USP19: variants seen among roughly 807,000 people sequenced by gnomAD.
USP19 encodes ubiquitin specific peptidase 19, also known as ubiquitin carboxyl-terminal hydrolase 19.
In USP19, 40 loss-of-function variants were observed where a neutral mutation model predicts 144.8. The observed-to-expected ratio is 0.28, with a 90% CI of 0.21 to 0.36. USP19 has a LOEUF of 0.36. Ranked by LOEUF, USP19 falls within the 10% of genes least tolerant of loss-of-function variation. The pLI is 1.00. For synonymous variants in USP19, 701 were observed against 709.3 expected (o/e 0.99, Z 0.19); for missense variants, 1,518 against 1,822.5 (o/e 0.83, Z 3.04).
chr3:49,114,382 G>A lies in USP19; in HGVS notation c.2293-98C>T. 1 of 1,190,918 alleles carries A rather than the reference G, an allele frequency of 8.4e-7. No homozygotes were observed. Among genetic ancestry groups the A allele is most frequent in the Non-Finnish European group, 1.2e-6 (1 of 832,384 alleles). The allele number at this position is 1,190,918 out of a possible 1,614,324, so 73.8% of individuals were successfully genotyped here. A position where few individuals can be genotyped will look rare whatever the true frequency, so the allele number is the denominator to read the frequency against. ...ATTCCGGGGCTTCTGATGGCTCTCA[G>A]GGCCCCCACAGCCAACCAGCAAACT... is the stretch of plus-strand genomic sequence containing the variant. On this transcript the variant is annotated intron_variant, in intron 15 of 26. Coordinates refer to ENST00000417901, the MANE Select transcript of USP19 (RefSeq NM_001199161.2). This position sits in a 1 kb window ranked among gnomAD's most constrained non-coding sequence, Gnocchi z 4.5.
In USP19 at chr3:49,111,522, G is replaced by A. The variant is rs61760207; in HGVS notation, c.3195C>T (p.Gly1065=). 4.5e-4 allele frequency: 727 copies of A among 1,611,446 alleles called. 2 individuals carry two copies. The African/African-American group carries it at 8.2e-3, about 18-fold the overall frequency. ...TACCTTCGGGTCGGGACACCCTCTC[G>A]CCAGCTGGCAAGGAGCCAACCTCAA... ...GPIEVGSLPA[G]ERVSRPEAAV... Residue 1065 remains glycine, a synonymous_variant, in exon 21 of 27, where the codon GGC becomes GGT. Transcript: ENST00000417901. The surrounding 1 kb of genome is among the most constrained non-coding windows in gnomAD (Gnocchi z 5.9).
At position 49,111,461 on chromosome 3, in the gene USP19, C is replaced by G; in HGVS notation, c.3217+39G>C. 1 of 1,611,946 alleles carries G rather than the reference C, an allele frequency of 6.2e-7. No individual in the cohort carries two copies. The highest frequency in any genetic ancestry group is 1.1e-5 in the South Asian group (1 of 91,004). ...AACAGCCCCCTCCATCCTCCCTTATCCTCCTCCCCAGCTTCTAGAGCCTTT... is the reference window on the plus strand; with the variant it reads ...AACAGCCCCCTCCATCCTCCCTTATGCTCCTCCCCAGCTTCTAGAGCCTTT... On this transcript the variant is annotated intron_variant, in intron 21 of 26. Transcript: ENST00000417901. The surrounding 1 kb of genome is among the most constrained non-coding windows in gnomAD (Gnocchi z 5.9).
Position 49,112,851 on chromosome 3 carries a change from T to A in USP19, c.2506-222A>T, listed in dbSNP as rs997255545. On this transcript the variant is annotated intron_variant, in intron 17 of 26. Transcript: ENST00000417901. This position sits in a 1 kb window ranked among gnomAD's most constrained non-coding sequence, Gnocchi z 4.9. ...TGAAAGACCAGGTGTGAGGCAGATA[T>A]CAACCACACCAGCTCTCCACACTGA... 6.6e-6 allele frequency among the ~76,000 whole-genome samples: 1 copy of A among 152,068 alleles called. No individual in the cohort carries two copies. Among genetic ancestry groups the A allele is most frequent in the Non-Finnish European group, 1.5e-5 (1 of 68,004 alleles).
chr3:49,117,516 T>A lies in USP19; in HGVS notation c.527A>T (p.Lys176Ile). 6.2e-7 allele frequency: 1 copy of A among 1,614,140 alleles called. No homozygotes were observed. The highest frequency in any genetic ancestry group is 8.5e-7 in the Non-Finnish European group (1 of 1,180,040). The change falls in exon 5 of 27, where the codon AAA (lysine) becomes ATA (isoleucine). Residue 176 changes from lysine to isoleucine, a missense_variant. This residue lies in a region of USP19 where 707 missense variants were observed against 728.9 expected (regional missense o/e 0.97). Transcript: ENST00000417901. This position sits in a 1 kb window ranked among gnomAD's most constrained non-coding sequence, Gnocchi z 4.4. ...GAGACTGCCCTTGCGGGTTTGCACT[T>A]TAGCACAAGAGCTTTTTATCTCAGC... is the stretch of plus-strand genomic sequence containing the variant. Reference protein sequence around the residue: ...FYAEIKSSCAKVQTRKGSLLH... With the variant: ...FYAEIKSSCAIVQTRKGSLLH...
chr3:49,117,043 G>A lies in USP19; in HGVS notation c.909+16C>T, dbSNP rs1378257521. 1 of 1,520,304 alleles carries A rather than the reference G, an allele frequency of 6.6e-7. No homozygotes were observed. Among genetic ancestry groups the A allele is most frequent in the Admixed American group, 2.1e-5 (1 of 48,060 alleles). The allele number at this position is 1,520,304 out of a possible 1,614,324, so 94.2% of individuals were successfully genotyped here. The stretch of plus-strand genomic sequence containing the variant: ...CCCCCCATCTCCTAACACCCAAACA[G>A]GTGCCCAGCTCTCACCTGGGTGGCT... On this transcript the variant is annotated intron_variant, in intron 6 of 26. Coordinates refer to ENST00000417901, the MANE Select transcript of USP19 (RefSeq NM_001199161.2). The surrounding 1 kb of genome is among the most constrained non-coding windows in gnomAD (Gnocchi z 4.4).
In USP19 at chr3:49,112,076, G is replaced by C. The variant is rs775878293; in HGVS notation, c.2766-28C>G. ...GACGGGAAGAGGAAGACAAGGATAG[G>C]CCCTTAGCCCCATCTCCTATGACTC... On this transcript the variant is annotated intron_variant, in intron 19 of 26. Coordinates refer to ENST00000417901, the MANE Select transcript of USP19 (RefSeq NM_001199161.2). The surrounding 1 kb of genome is among the most constrained non-coding windows in gnomAD (Gnocchi z 4.9). The C allele has an allele frequency of 1.2e-6, 2 of 1,611,358 alleles. No individual in the cohort carries two copies. Among genetic ancestry groups the C allele is most frequent in the Non-Finnish European group, 1.7e-6 (2 of 1,178,562 alleles).
rs778689841 is a variant in USP19 at position 49,108,991 on chromosome 3, G to A, written c.4039-463C>T. ...AGCGACTCTGGGATACCAGAGGATA[G>A]AACACGTTGAGCACGAGGGCCACCA... On this transcript the variant is annotated intron_variant, in intron 26 of 26. Transcript: ENST00000417901. The surrounding 1 kb of genome is among the most constrained non-coding windows in gnomAD (Gnocchi z 4.8). The A allele has an allele frequency of 5.6e-6, 9 of 1,613,290 alleles. No individual in the cohort carries two copies. Among genetic ancestry groups the A allele is most frequent in the African/African-American group, 1.3e-5 (1 of 74,920 alleles).
chr3:49,111,605 G>A lies in USP19; in HGVS notation c.3112C>T (p.Arg1038Trp), dbSNP rs202230937. Residue 1038 changes from arginine to tryptophan, a missense_variant, in exon 21 of 27, where the codon CGG becomes TGG. This residue lies in a region of USP19 where 413 missense variants were observed against 515.8 expected (regional missense o/e 0.80). Transcript: ENST00000417901. This position sits in a 1 kb window ranked among gnomAD's most constrained non-coding sequence, Gnocchi z 5.9. ...CCACTGGTGCTGGGCACAGGACCCC[G>A]GTCAGGGGCTGCCCACACCCGGGGA... The part of the protein sequence containing the change: ...GLPRVWAAPD[R>W]GPVPSTSGIS... The A allele has an allele frequency of 2.6e-4, 413 of 1,612,130 alleles. 1 individual carries two copies. Among genetic ancestry groups the A allele is most frequent in the Non-Finnish European group, 3.3e-4 (392 of 1,179,484 alleles).
At position 49,108,914 on chromosome 3, in the gene USP19, G is replaced by A; in HGVS notation, c.4039-386C>T. On this transcript the variant is annotated intron_variant, in intron 26 of 26. Coordinates refer to ENST00000417901, the MANE Select transcript of USP19 (RefSeq NM_001199161.2). This position sits in a 1 kb window ranked among gnomAD's most constrained non-coding sequence, Gnocchi z 4.8. ...CACAACAAAGGCAGGCATGGCCTGG[G>A]GCAGGCAGGTAGGCCAGCTCACAGC... The A allele has an allele frequency of 6.4e-6, 10 of 1,570,402 alleles. No homozygotes were observed. The highest frequency in any genetic ancestry group is 8.6e-6 in the Non-Finnish European group (10 of 1,156,778).
rs1350008842 is a variant in USP19, at chr3:49,116,017, C to G, written c.1471+30G>C. The G allele has an allele frequency of 6.3e-7, 1 of 1,580,832 alleles. No individual in the cohort carries two copies. The highest frequency in any genetic ancestry group is 2.2e-5 in the East Asian group (1 of 44,644). ...GGGTTTGGGTCCTGGTCACGTGGAACTGGGCAATGAAGGGAGCTCGTGTGC... is the reference window on the plus strand; with the variant it reads ...GGGTTTGGGTCCTGGTCACGTGGAAGTGGGCAATGAAGGGAGCTCGTGTGC... On this transcript the variant is annotated intron_variant, in intron 10 of 26. Coordinates refer to ENST00000417901, the MANE Select transcript of USP19 (RefSeq NM_001199161.2). This position sits in a 1 kb window ranked among gnomAD's most constrained non-coding sequence, Gnocchi z 5.0.
In USP19 at chr3:49,108,625, T is replaced by G. The variant is rs1575411672; in HGVS notation, c.4039-97A>C. On this transcript the variant is annotated intron_variant, in intron 26 of 26. Coordinates refer to ENST00000417901, the MANE Select transcript of USP19 (RefSeq NM_001199161.2). This position sits in a 1 kb window ranked among gnomAD's most constrained non-coding sequence, Gnocchi z 4.8. ...TGGAGCCCTGGCACCCAAGGGAGGGTCCCAAGGCAGGCGCAGACAGCAGCG... is the reference window on the plus strand; with the variant it reads ...TGGAGCCCTGGCACCCAAGGGAGGGGCCCAAGGCAGGCGCAGACAGCAGCG... 8.0e-7 allele frequency: 1 copy of G among 1,243,542 alleles called. No individual in the cohort carries two copies. Among genetic ancestry groups the G allele is most frequent in the Non-Finnish European group, 1.0e-6 (1 of 988,266 alleles). The allele number at this position is 1,243,542 out of a possible 1,614,324, so 77.0% of individuals were successfully genotyped here. A position where few individuals can be genotyped will look rare whatever the true frequency, so the allele number is the denominator to read the frequency against.
In USP19 at chr3:49,117,775, G is replaced by A. The variant is rs267599866; in HGVS notation, c.354C>T (p.Leu118=). Residue 118 remains leucine (L), a synonymous_variant, in exon 4 of 27, where the codon CTC becomes CTT. Transcript: ENST00000417901. The surrounding 1 kb of genome is among the most constrained non-coding windows in gnomAD (Gnocchi z 4.4). ...LLATPTPELL[L]DWRQSAEEVI... ...CCTCTTCTGCACTCTGCCTCCAATC[G>A]AGCAACAACTCTGGAGTGGGAGTAG... The A allele has an allele frequency of 1.5e-5, 24 of 1,613,968 alleles. No individual in the cohort carries two copies. Among genetic ancestry groups the A allele is most frequent in the African/African-American group, 9.3e-5 (7 of 74,894 alleles).
chr3:49,115,911 G>A lies in USP19; in HGVS notation c.1505C>T (p.Thr502Ile). 6.4e-7 allele frequency: 1 copy of A among 1,565,700 alleles called. No homozygotes were observed. Among genetic ancestry groups the A allele is most frequent in the Non-Finnish European group, 8.6e-7 (1 of 1,157,362 alleles). The part of the protein sequence containing the change: ...AVGGAKVAVP[T>I]GPTPLDSTPP... ...GGTTGAATCCAGAGGGGTTGGACCT[G>A]TCGGCACGGCAACCTTTGCACCACC... The change falls in exon 11 of 27, where the codon ACA becomes ATA. Residue 502 changes from threonine (T) to isoleucine (I), a missense_variant. By Grantham distance (89) the Thr-to-Ile change is moderately conservative. Coordinates refer to ENST00000417901, the MANE Select transcript of USP19 (RefSeq NM_001199161.2). The surrounding 1 kb of genome is among the most constrained non-coding windows in gnomAD (Gnocchi z 6.6).
Position 49,115,695 on chromosome 3 carries a change from C to G in USP19, c.1692+29G>C. On this transcript the variant is annotated intron_variant, in intron 11 of 26. Coordinates refer to ENST00000417901, the MANE Select transcript of USP19 (RefSeq NM_001199161.2). This position sits in a 1 kb window ranked among gnomAD's most constrained non-coding sequence, Gnocchi z 6.6. ...GCCCCAAGACTCTCCAGCCTCCATTCTTCGTCCTTCCCACCCCAGAATTCT... is the reference window on the plus strand; with the variant it reads ...GCCCCAAGACTCTCCAGCCTCCATTGTTCGTCCTTCCCACCCCAGAATTCT... The G allele has an allele frequency of 6.2e-7, 1 of 1,607,292 alleles. No homozygotes were observed.
chr3:49,115,164 G>A lies in USP19; in HGVS notation c.2023-47C>T, dbSNP rs781724682. On this transcript the variant is annotated intron_variant, in intron 13 of 26. Transcript: ENST00000417901. The surrounding 1 kb of genome is among the most constrained non-coding windows in gnomAD (Gnocchi z 6.6). ...TGAACATGAAGCCCTAGCACCCACTGCACACCCAGCTGGCTGGCCCTCCCC... is the reference window on the plus strand; with the variant it reads ...TGAACATGAAGCCCTAGCACCCACTACACACCCAGCTGGCTGGCCCTCCCC... The A allele has an allele frequency of 6.2e-7, 1 of 1,612,852 alleles. No individual in the cohort carries two copies. Among genetic ancestry groups the A allele is most frequent in the East Asian group, 2.2e-5 (1 of 44,862 alleles).
In USP19 at chr3:49,116,456, C is replaced by A; in HGVS notation, c.1278G>T (p.Gln426His). The A allele has an allele frequency of 2.5e-6, 4 of 1,614,182 alleles. No homozygotes were observed. The South Asian group carries it at 3.3e-5, about 13-fold the overall frequency. Residue 426 changes from glutamine (Q) to histidine (H), a missense_variant, in exon 8 of 27, where the codon CAG (glutamine) becomes CAT (histidine). Around this residue, in one of 5 missense-constraint regions of USP19, gnomAD observed 707 missense variants for 728.9 expected, o/e 0.97. Transcript: ENST00000417901. This position sits in a 1 kb window ranked among gnomAD's most constrained non-coding sequence, Gnocchi z 5.0. ...CCCATCATCTACCCACCCACCTGGT[C>A]TGGAAGATGAGCGTGAAGTCCTGCT... ...FREQDFTLIF[Q>H]TRDGNFLRLH...
Position 49,108,315 on chromosome 3 carries a change from A to T in USP19, c.*97T>A. 1 of 342,156 alleles carries T rather than the reference A, an allele frequency of 2.9e-6. No homozygotes were observed. The highest frequency in any genetic ancestry group is 5.5e-6 in the Non-Finnish European group (1 of 181,438). 21.2% of individuals were successfully genotyped at this position (342,156 alleles called of 1,614,324 possible). A position where few individuals can be genotyped will look rare whatever the true frequency, so the allele number is the denominator to read the frequency against. On this transcript the variant is annotated 3_prime_UTR_variant, in exon 27 of 27. Coordinates refer to ENST00000417901, the MANE Select transcript of USP19 (RefSeq NM_001199161.2). This position sits in a 1 kb window ranked among gnomAD's most constrained non-coding sequence, Gnocchi z 4.8. ...ATACCCCTCAGCTTCCCATTGACAG[A>T]GCCAGTGTCCTCTGGGTTAGAGAAG... is the stretch of plus-strand genomic sequence containing the variant.
chr3:49,110,715 C>A lies in USP19; in HGVS notation c.3694G>T (p.Val1232Phe). The A allele has an allele frequency of 6.2e-7, 1 of 1,613,936 alleles. No individual in the cohort carries two copies. The highest frequency in any genetic ancestry group is 8.5e-7 in the Non-Finnish European group (1 of 1,179,970). Residue 1232 changes from valine (V) to phenylalanine (F), a missense_variant, in exon 24 of 27, where the codon GTT (valine) becomes TTT (phenylalanine). Val to Phe is a conservative substitution (Grantham distance 50). Coordinates refer to ENST00000417901, the MANE Select transcript of USP19 (RefSeq NM_001199161.2). The surrounding 1 kb of genome is among the most constrained non-coding windows in gnomAD (Gnocchi z 6.1). Reference protein sequence around the residue: ...DKINDLVEFPVRNLDLSKFCI... With the variant: ...DKINDLVEFPFRNLDLSKFCI... The stretch of plus-strand genomic sequence containing the variant: ...TTACCAAGGTCCACTGCTTACCTAA[C>A]AGGGAACTCCACCAAGTCATTGATC...
chr3:49,113,074 G>A (rs570646305), intron 17 of USP19, among the ~76,000 whole-genome samples: 2 of 152,290 alleles, frequency 1.3e-5, no homozygotes, highest in East Asian at 1.9e-4. Context: ...TAGAGGGAGA[G>A]GCAGAGCGAA....
Sources: gnomAD v4.1 joint callset for allele counts (sites outside exome capture counted in the v4.1 genomes callset) on GRCh38, gnomAD v4.1.1 for gene constraint, gnomAD v4.1.1 regional missense constraint, Gnocchi (gnomAD v3.1) non-coding constraint, MANE v1.5 for transcripts, NCBI Gene and HGNC (gene_info 2026-07-23, HGNC 2026-07-21) for gene names.